Variants in MAPK12 observed in about 807,000 individuals in gnomAD.
MAPK12 encodes the protein mitogen-activated protein kinase 12.
In MAPK12, 49 loss-of-function variants were observed where a neutral mutation model predicts 49.1. The ratio of observed to expected loss-of-function variants is 1.00; its 90% CI spans 0.79 to 1.27. MAPK12 has a LOEUF of 1.27. Ranked by LOEUF, MAPK12 falls within the 50% of genes most tolerant of loss-of-function variation. MAPK12 has a pLI of 0.00. For missense variants in MAPK12, 554 were observed against 502.4 expected, an observed-to-expected ratio of 1.10 and a Z score of -0.98; for synonymous variants, 251 against 209.7, an observed-to-expected ratio of 1.20 and a Z score of -1.70.
At chr22:50,257,300 C>T (rs954257080) in intron 3 of MAPK12, 107 bp from the exon 4 acceptor site, 5 of 803,422 alleles carry the variant, frequency 6.2e-6, no homozygotes, top group Non-Finnish European at 1.0e-5. Flanking sequence ...AACAGGCACC[C>T]CCAGGAAGGT....
intron 6 of MAPK12, 41 bp from the exon 7 acceptor site, chr22:50,256,240 A>G (rs771355980): frequency 6.6e-7 from 1 of 1,509,436 alleles, no homozygotes; most frequent in Non-Finnish European, 9.2e-7. Context: ...GGGGACTCCC[A>G]AGGAGCGGAC....
chr22:50,253,633 G>A (rs1397125780), intron 11 of MAPK12, 153 bp from the exon 12 acceptor site: 1 of 621,466 alleles, frequency 1.6e-6, no homozygotes, highest in Non-Finnish European at 2.9e-6. Context: ...TTTGTGTGAA[G>A]AGGCCATTGC....
intron 11 of MAPK12, chr22:50,254,964 C>T (rs937795549): frequency 3.1e-5 from 44 of 1,418,494 alleles, no homozygotes; most frequent in Non-Finnish European, 4.0e-5. Context: ...CCCCATGCTG[C>T]CCTGACCTCC....
rs2065214378 is a variant in MAPK12, at chr22:50,261,525, T to C, written c.-16A>G. The C allele has an allele frequency of 1.8e-6, 2 of 1,124,538 alleles. No homozygotes were observed. 69.7% of individuals were successfully genotyped at this position (1,124,538 alleles called of 1,614,324 possible). ...GAGAGCTCATGGCAGGCCCGGGAGC[T>C]GCCCACCCCGCAGAGCCTGCGGGCG... is the stretch of plus-strand genomic sequence containing the variant. On this transcript the variant is annotated 5_prime_UTR_variant, in exon 1 of 12. Coordinates refer to ENST00000215659, the MANE Select transcript of MAPK12 (RefSeq NM_002969.6).
rs150995342 is a variant in MAPK12 at position 50,255,496 on chromosome 22, C to T, written c.807G>A (p.Glu269=). ...KNYMKGLPEL[E]KKDFASILTN... Reference sequence around the variant, plus strand: ...TCAGGATAGAGGCAAAATCCTTCTTCTCCAATTCGGGGAGGCCCTTCATGT... The same window carrying T: ...TCAGGATAGAGGCAAAATCCTTCTTTTCCAATTCGGGGAGGCCCTTCATGT... The change falls in exon 10 of 12, where the codon GAG becomes GAA. Residue 269 remains glutamate (E), a synonymous_variant. Coordinates refer to ENST00000215659, the MANE Select transcript of MAPK12 (RefSeq NM_002969.6). 1.2e-4 allele frequency: 197 copies of T among 1,613,236 alleles called. 1 individual carries two copies. The highest frequency in any genetic ancestry group is 4.4e-4 in the South Asian group (40 of 91,090).
In MAPK12 at chr22:50,256,068, T is replaced by C; in HGVS notation, c.619+17A>G. On this transcript the variant is annotated intron_variant, in intron 7 of 11. Transcript: ENST00000215659. Reference sequence around the variant, plus strand: ...TGGTGCAGCCTGAGAGGCCCAGATCTCTGGGCAGCTTCTCACCCGTCTGCG... The same window carrying C: ...TGGTGCAGCCTGAGAGGCCCAGATCCCTGGGCAGCTTCTCACCCGTCTGCG... 1 of 1,606,122 alleles carries C rather than the reference T, an allele frequency of 6.2e-7. No individual in the cohort carries two copies. The highest frequency in any genetic ancestry group is 8.5e-7 in the Non-Finnish European group (1 of 1,175,194).
At position 50,255,288 on chromosome 22, in the gene MAPK12, G is replaced by C. The variant is rs1240740383; in HGVS notation, c.933C>G (p.Phe311Leu). The C allele has an allele frequency of 6.2e-7, 1 of 1,613,600 alleles. No homozygotes were observed. The highest frequency in any genetic ancestry group is 8.5e-7 in the Non-Finnish European group (1 of 1,180,020). ...TAGEALAHPY[F>L]ESLHDTEDEP... ...CATCTTCCGTGTCGTGCAGGGACTC[G>C]AAGTAGGGATGGGCCAGCGCCTCGC... is the stretch of plus-strand genomic sequence containing the variant. The change falls in exon 11 of 12, where the codon TTC becomes TTG. Residue 311 changes from phenylalanine (F) to leucine (L), a missense_variant. Phe to Leu is a conservative substitution (Grantham distance 22). Coordinates refer to ENST00000215659, the MANE Select transcript of MAPK12 (RefSeq NM_002969.6).
intron 2 of MAPK12, among the ~76,000 whole-genome samples, chr22:50,259,512 G>A (rs1479694083): frequency 6.6e-6 from 1 of 152,134 alleles, no homozygotes; most frequent in Non-Finnish European, 1.5e-5. Flanking sequence ...AAGAGCCTCA[G>A]CTGCAGGCCA....
intron 11 of MAPK12, chr22:50,254,509 AG>A (rs1174957579): frequency 7.4e-6 from 2 of 270,142 alleles, no homozygotes; most frequent in African/African-American, 4.6e-5. Context: ...AAAATTAGCC[AG>A]GCCTGGTGGC....
At chr22:50,255,161 G>A in intron 11 of MAPK12, 36 bp downstream of exon 11, 2 of 1,611,326 alleles carry the variant, frequency 1.2e-6, no homozygotes, top group Non-Finnish European at 1.7e-6. Flanking sequence ...CCCCCACTTG[G>A]GTCCACACAG....
At chr22:50,256,341 G>T in intron 6 of MAPK12, 142 bp from the exon 7 acceptor site, 1 of 738,704 alleles carries the variant, frequency 1.4e-6, no homozygotes, top group Non-Finnish European at 2.2e-6. Context: ...TTGAGGCCAC[G>T]CCCTCGGACC....
At chr22:50,260,206 C>T (rs1008778323) in intron 2 of MAPK12, among the ~76,000 whole-genome samples, 4 of 151,834 alleles carry the variant, frequency 2.6e-5, no homozygotes, top group African/African-American at 7.3e-5. Flanking sequence ...GAGGGAGTAG[C>T]GGTGGCCAGG....
chr22:50,255,710 G>C lies in MAPK12; in HGVS notation c.692-16C>G. 1 of 1,609,746 alleles carries C rather than the reference G, an allele frequency of 6.2e-7. No individual in the cohort carries two copies. The highest frequency in any genetic ancestry group is 8.5e-7 in the Non-Finnish European group (1 of 1,179,914). ...TGGTCCAGGTCTGCACCGAGGTCAG[G>C]AACACAGCTCGGGGGCCAGAGATCA... On this transcript the variant is annotated splice_polypyrimidine_tract_variant and intron_variant, in intron 8 of 11. Transcript: ENST00000215659.
intron 11 of MAPK12, chr22:50,254,376 G>A (rs1314227621): frequency 6.5e-6 from 1 of 153,290 alleles, no homozygotes; most frequent in Non-Finnish European, 1.5e-5. Flanking sequence ...GAGAGGGCTG[G>A]GCGCGGTGGC....
rs1569141606 is a variant in MAPK12 at position 50,255,511 on chromosome 22, GC to G, written c.791del (p.Gly264AlafsTer14). 1 of 1,613,190 alleles carries G rather than the reference GC, an allele frequency of 6.2e-7. No homozygotes were observed. Among genetic ancestry groups the G allele is most frequent in the South Asian group, 1.1e-5 (1 of 91,090 alleles). ...QSDEAKNYMK[G>X]LPELEKKDFA... ...AATCCTTCTTCTCCAATTCGGGGAG[GC>G]CCTTCATGTAGTTCTTGGCCTGTGT... is the stretch of plus-strand genomic sequence containing the variant. On this transcript the variant is annotated frameshift_variant, in exon 10 of 12. Transcript: ENST00000215659. LOFTEE classifies it high-confidence loss of function.
In MAPK12 at chr22:50,252,949, AC is replaced by A; in HGVS notation, c.*451del. 3.9e-6 allele frequency: 1 copy of A among 258,124 alleles called. No homozygotes were observed. Among genetic ancestry groups the A allele is most frequent in the East Asian group, 1.1e-4 (1 of 8,948 alleles). 16.0% of individuals were successfully genotyped at this position (258,124 alleles called of 1,614,324 possible). The stretch of plus-strand genomic sequence containing the variant: ...TTCCTTCCAGCCACGCGGGCACCAC[AC>A]AGCTGATTTACATTCCAGGCTGGGG... On this transcript the variant is annotated 3_prime_UTR_variant, in exon 12 of 12. Coordinates refer to ENST00000215659, the MANE Select transcript of MAPK12 (RefSeq NM_002969.6).
At position 50,261,371 on chromosome 22, in the gene MAPK12, C is replaced by T. The variant is rs2065212113; in HGVS notation, c.125+14G>A. The T allele has an allele frequency of 1.8e-6, 2 of 1,139,422 alleles. No homozygotes were observed. Among genetic ancestry groups the T allele is most frequent in the African/African-American group, 3.4e-5 (2 of 58,952 alleles). The allele number at this position is 1,139,422 out of a possible 1,614,324, so 70.6% of individuals were successfully genotyped here. Reference sequence around the variant, plus strand: ...CGCCCGCCCCGCCGGCCGCCCCGCCCGGCCCGCGCTCACCACACCGCGCCG... The same window carrying T: ...CGCCCGCCCCGCCGGCCGCCCCGCCTGGCCCGCGCTCACCACACCGCGCCG... On this transcript the variant is annotated intron_variant, in intron 1 of 11. Coordinates refer to ENST00000215659, the MANE Select transcript of MAPK12 (RefSeq NM_002969.6).
Position 50,253,487 on chromosome 22 carries a change from G to A in MAPK12, c.1025-7C>T, listed in dbSNP as rs1379241666. 3.0e-6 allele frequency: 3 copies of A among 989,372 alleles called. No homozygotes were observed. The highest frequency in any genetic ancestry group is 4.5e-6 in the Non-Finnish European group (3 of 670,646). The allele number at this position is 989,372 out of a possible 1,614,324, so 61.3% of individuals were successfully genotyped here. ...ACCTCTTTGTAAGTAACACCTGGCG[G>A]GGGTGGGGGGGCGGGCACAACAGAG... On this transcript the variant is annotated splice_polypyrimidine_tract_variant and splice_region_variant and intron_variant, in intron 11 of 11. Transcript: ENST00000215659.
chr22:50,261,291 G>A lies in MAPK12; in HGVS notation c.131C>T (p.Ala44Val). ...GSGAYGAVCS[A>V]VDGRTGAKVA... is the part of the protein sequence containing the mutation. The stretch of plus-strand genomic sequence containing the variant: ...CTTAGCGCCGGTGCGGCCGTCCACG[G>A]CCGAGCTGCGGGGCGGACCGCTTAG... The change falls in exon 2 of 12, where the codon GCC (alanine) becomes GTC (valine). Residue 44 changes from alanine (A) to valine (V), a missense_variant. Ala to Val is a moderately conservative substitution (Grantham distance 64). Transcript: ENST00000215659. 2.0e-6 allele frequency: 3 copies of A among 1,477,260 alleles called. No individual in the cohort carries two copies. The highest frequency in any genetic ancestry group is 2.7e-6 in the Non-Finnish European group (3 of 1,108,262). 91.5% of individuals were successfully genotyped at this position (1,477,260 alleles called of 1,614,324 possible). A position where few individuals can be genotyped will look rare whatever the true frequency, so the allele number is the denominator to read the frequency against.
Sources: allele counts gnomAD v4.1 joint callset (sites outside exome capture counted in the v4.1 genomes callset), GRCh38; gene constraint gnomAD v4.1.1; transcripts MANE v1.5; gene names NCBI Gene and HGNC (gene_info 2026-07-23, HGNC 2026-07-21).